Variants in IL2RA observed in about 807,000 individuals in gnomAD.
IL2RA encodes the protein interleukin-2 receptor subunit alpha.
A neutral mutation model predicts 37.8 loss-of-function variants in IL2RA; 24 were observed. That is an observed-to-expected ratio of 0.63 (90% CI 0.46 to 0.89). The LOEUF (loss-of-function observed/expected upper bound fraction) is 0.89. IL2RA is among the 40% of genes least tolerant of loss of function. The pLI, the probability that IL2RA is intolerant of heterozygous loss-of-function variation, is 0.00. For synonymous variants in IL2RA, 125 were observed against 114.6 expected, an observed-to-expected ratio of 1.09 and a Z score of -0.58; for missense variants, 319 against 348.6, an observed-to-expected ratio of 0.92 and a Z score of 0.68.
At chr10:6,053,875 T>G (rs995981683) in intron 1 of IL2RA, among the ~76,000 whole-genome samples, 2 of 152,224 alleles carry the variant, frequency 1.3e-5, no homozygotes, top group Non-Finnish European at 2.9e-5. Context: ...CTAGTCCAAT[T>G]GCACCAGCTT....
At position 6,049,878 on chromosome 10, in the gene IL2RA, A is replaced by C. The variant is rs185691607; in HGVS notation, c.64+12210T>G. Reference sequence around the variant, plus strand: ...TTTTCTGGTTGGGAAAAATTCCGGTAGGCAGACAAGATGGGGAAGATTGTT... The same window carrying C: ...TTTTCTGGTTGGGAAAAATTCCGGTCGGCAGACAAGATGGGGAAGATTGTT... On this transcript the variant is annotated intron_variant, in intron 1 of 7. Transcript: ENST00000379959. Among the ~76,000 whole-genome samples, 4 of 152,326 alleles carry C rather than the reference A, an allele frequency of 2.6e-5. No individual in the cohort carries two copies. The East Asian group carries it at 5.8e-4, about 22-fold the overall frequency.
At position 6,021,767 on chromosome 10, in the gene IL2RA, A is replaced by G. The variant is rs1839391862; in HGVS notation, c.368-74T>C. 8.5e-7 allele frequency: 1 copy of G among 1,172,066 alleles called. No homozygotes were observed. Among genetic ancestry groups the G allele is most frequent in the African/African-American group, 1.5e-5 (1 of 66,792 alleles). 72.6% of individuals were successfully genotyped at this position (1,172,066 alleles called of 1,614,324 possible). ...GAGTGAGTCCAGGTTGCCTCTTGCT[A>G]GGGACTGGACCTTGGTTCTTACTCT... On this transcript the variant is annotated intron_variant, in intron 3 of 7. Transcript: ENST00000379959. The surrounding 1 kb of genome is among the most constrained non-coding windows in gnomAD (Gnocchi z 4.9).
Position 6,011,524 on chromosome 10 carries a change from G to C in IL2RA, c.*1348C>G, listed in dbSNP as rs1839191078. On this transcript the variant is annotated 3_prime_UTR_variant, in exon 8 of 8. Transcript: ENST00000379959. This position sits in a 1 kb window ranked among gnomAD's most constrained non-coding sequence, Gnocchi z 5.2. ...TGCTGAACTTTTTGATAATGTTCAAGGACTGCTGGTATGCTCATCTTGTCT... is the reference window on the plus strand; with the variant it reads ...TGCTGAACTTTTTGATAATGTTCAACGACTGCTGGTATGCTCATCTTGTCT... 1 of 152,210 alleles carries C rather than the reference G, an allele frequency of 6.6e-6. No individual in the cohort carries two copies. The highest frequency in any genetic ancestry group is 6.6e-5 in the Admixed American group (1 of 15,262). The allele number at this position is 152,210 out of a possible 1,614,324, so 9.4% of individuals were successfully genotyped here. A position where few individuals can be genotyped will look rare whatever the true frequency, so the allele number is the denominator to read the frequency against.
chr10:6,058,139 A>G lies in IL2RA; in HGVS notation c.64+3949T>C, dbSNP rs914877526. 7.3e-5 allele frequency among the ~76,000 whole-genome samples: 11 copies of G among 151,302 alleles called. No individual in the cohort carries two copies. The highest frequency in any genetic ancestry group is 2.2e-4 in the African/African-American group (9 of 41,106). Reference sequence around the variant, plus strand: ...GAGACCCTGTCTCAAAAAGGAAGAGAAAAAAAAATCACAAAGAGGTATTCA... The same window carrying G: ...GAGACCCTGTCTCAAAAAGGAAGAGGAAAAAAAATCACAAAGAGGTATTCA... On this transcript the variant is annotated intron_variant, in intron 1 of 7. Coordinates refer to ENST00000379959, the MANE Select transcript of IL2RA (RefSeq NM_000417.3). This position sits in a 1 kb window ranked among gnomAD's most constrained non-coding sequence, Gnocchi z 4.2.
chr10:6,026,178 A>AT, intron 1 of IL2RA, 153 bp from the exon 2 acceptor site: 1 of 770,010 alleles, frequency 1.3e-6, no homozygotes, highest in Non-Finnish European at 2.1e-6. Context: ...GGCTGCTACC[A>AT]TTGTTCTTTA....
chr10:6,045,710 A>G (rs1839842688), intron 1 of IL2RA, among the ~76,000 whole-genome samples: 2 of 152,314 alleles, frequency 1.3e-5, no homozygotes, highest in East Asian at 1.9e-4. Context: ...AATATGCTAA[A>G]TTGGTGACTC....
rs914195109 is a variant in IL2RA at position 6,048,353 on chromosome 10, A to G, written c.64+13735T>C. ...CGATGGGGAGGATGGGGTGCCATTC[A>G]TTGAGATAGCAAAGAGAGGAGAAAG... On this transcript the variant is annotated intron_variant, in intron 1 of 7. Coordinates refer to ENST00000379959, the MANE Select transcript of IL2RA (RefSeq NM_000417.3). This position sits in a 1 kb window ranked among gnomAD's most constrained non-coding sequence, Gnocchi z 5.3. Among the ~76,000 whole-genome samples, 1 of 152,238 alleles carries G rather than the reference A, an allele frequency of 6.6e-6. No individual in the cohort carries two copies. The highest frequency in any genetic ancestry group is 1.5e-5 in the Non-Finnish European group (1 of 68,030).
At chr10:6,042,167 A>AAAAAAAAAAAAAAATAC (rs1564549506) in intron 1 of IL2RA, among the ~76,000 whole-genome samples, 1 of 149,122 alleles carries the variant, frequency 6.7e-6, no homozygotes, top group African/African-American at 2.4e-5. Context: ...AAAAAAAAAA[A>AAAAAAAAAAAAAAATAC]ATTCTGATCA....
chr10:6,057,920 G>A lies in IL2RA; in HGVS notation c.64+4168C>T, dbSNP rs1840071203. ...GTGGGCAGATCACCTGAGGTCAGGA[G>A]TTCGAGACCAGCCTGGCCAACTTGG... is the stretch of plus-strand genomic sequence containing the variant. On this transcript the variant is annotated intron_variant, in intron 1 of 7. Coordinates refer to ENST00000379959, the MANE Select transcript of IL2RA (RefSeq NM_000417.3). The surrounding 1 kb of genome is among the most constrained non-coding windows in gnomAD (Gnocchi z 4.8). Among the ~76,000 whole-genome samples, 1 of 152,218 alleles carries A rather than the reference G, an allele frequency of 6.6e-6. No homozygotes were observed. Among genetic ancestry groups the A allele is most frequent in the African/African-American group, 2.4e-5 (1 of 41,444 alleles).
At chr10:6,043,553 C>T (rs1839805160) in intron 1 of IL2RA, among the ~76,000 whole-genome samples, 1 of 152,176 alleles carries the variant, frequency 6.6e-6, no homozygotes, top group South Asian at 2.1e-4. Context: ...ATTCTCCTGC[C>T]TCAGCCCCCC....
At chr10:6,052,856 G>A (rs1564553164) in intron 1 of IL2RA, among the ~76,000 whole-genome samples, 1 of 151,312 alleles carries the variant, frequency 6.6e-6, no homozygotes, top group Admixed American at 6.6e-5. Context: ...TGGCTGCTGG[G>A]GCAGGTGCGA....
intron 7 of IL2RA, chr10:6,017,146 C>A (rs1839292058): frequency 6.5e-6 from 1 of 152,750 alleles, no homozygotes; most frequent in Admixed American, 6.5e-5. Flanking sequence ...CATATCTTGC[C>A]ACTCACTGGT....
In IL2RA at chr10:6,025,104, G is replaced by A. The variant is rs1415386310; in HGVS notation, c.256+730C>T. On this transcript the variant is annotated intron_variant, in intron 2 of 7. Coordinates refer to ENST00000379959, the MANE Select transcript of IL2RA (RefSeq NM_000417.3). This position sits in a 1 kb window ranked among gnomAD's most constrained non-coding sequence, Gnocchi z 4.4. ...CAAAATATTAGCCAGGCATGGTGGT[G>A]TGCGCCTATAAGGCCCAGGCAGGAG... 4.6e-5 allele frequency among the ~76,000 whole-genome samples: 7 copies of A among 152,192 alleles called. No homozygotes were observed. The highest frequency in any genetic ancestry group is 1.0e-4 in the Non-Finnish European group (7 of 68,032).
chr10:6,020,027 C>T lies in IL2RA; in HGVS notation c.584-86G>A, dbSNP rs1054785840. ...ACCCCGCCTGCCCCAGGCAGCCGGC[C>T]CCAGACACGCCCGAGGAGGCAGGAA... On this transcript the variant is annotated intron_variant, in intron 4 of 7. Transcript: ENST00000379959. This position sits in a 1 kb window ranked among gnomAD's most constrained non-coding sequence, Gnocchi z 5.6. The T allele has an allele frequency of 8.6e-5, 95 of 1,103,370 alleles. No individual in the cohort carries two copies. Among genetic ancestry groups the T allele is most frequent in the Non-Finnish European group, 1.3e-4 (94 of 718,910 alleles). 68.3% of individuals were successfully genotyped at this position (1,103,370 alleles called of 1,614,324 possible). A position where few individuals can be genotyped will look rare whatever the true frequency, so the allele number is the denominator to read the frequency against.
At chr10:6,017,486 T>C (rs1460017833) in intron 7 of IL2RA, among the ~76,000 whole-genome samples, 1 of 152,116 alleles carries the variant, frequency 6.6e-6, no homozygotes, top group Non-Finnish European at 1.5e-5. Flanking sequence ...TTCAATAATG[T>C]TTATAAAACA....
intron 1 of IL2RA, among the ~76,000 whole-genome samples, chr10:6,031,484 A>ATG (rs1209360052): frequency 0.012 from 449 of 36,980 alleles, 16 homozygotes; most frequent in African/African-American, 0.052. Flanking sequence ...ATATATATAT[A>ATG]TATATATATG....
At chr10:6,032,167 C>A (rs928890023) in intron 1 of IL2RA, among the ~76,000 whole-genome samples, 1 of 151,646 alleles carries the variant, frequency 6.6e-6, no homozygotes, top group African/African-American at 2.4e-5. Context: ...AAAAAACTCA[C>A]ATCTTATGCA....
chr10:6,045,541 C>T (rs999357195), intron 1 of IL2RA, among the ~76,000 whole-genome samples: 1 of 152,138 alleles, frequency 6.6e-6, no homozygotes, highest in South Asian at 2.1e-4. Context: ...GAGTTAACCA[C>T]AAGCTCACCA....
Position 6,046,110 on chromosome 10 carries a change from C to T in IL2RA, c.64+15978G>A, listed in dbSNP as rs1000236598. ...ACTCTGCCCTGCTCCTCACCCATCT[C>T]GCAGGGGAACCTCTTGTACCCCTTT... On this transcript the variant is annotated intron_variant, in intron 1 of 7. Coordinates refer to ENST00000379959, the MANE Select transcript of IL2RA (RefSeq NM_000417.3). This position sits in a 1 kb window ranked among gnomAD's most constrained non-coding sequence, Gnocchi z 4.8. 2.0e-5 allele frequency among the ~76,000 whole-genome samples: 3 copies of T among 152,214 alleles called. No homozygotes were observed. The highest frequency in any genetic ancestry group is 4.4e-5 in the Non-Finnish European group (3 of 68,038).
Sources: gnomAD v4.1 joint callset for allele counts (sites outside exome capture counted in the v4.1 genomes callset) on GRCh38, gnomAD v4.1.1 for gene constraint, Gnocchi (gnomAD v3.1) non-coding constraint, MANE v1.5 for transcripts, NCBI Gene and HGNC (gene_info 2026-07-23, HGNC 2026-07-21) for gene names.